PDK4: variants seen among roughly 807,000 people sequenced by gnomAD.
PDK4 encodes pyruvate dehydrogenase kinase, isozyme 4.
Under a neutral mutation model 51.7 loss-of-function variants are expected in PDK4, and 43 were observed. That is an observed-to-expected ratio of 0.83 (90% CI 0.65 to 1.07). PDK4 has a LOEUF of 1.07. PDK4 is among the 50% of genes least tolerant of loss of function. The pLI is 0.00. For missense variants in PDK4, 498 were observed against 503.5 expected (o/e 0.99, Z 0.10); for synonymous variants, 170 against 176.6 (o/e 0.96, Z 0.30).
At chr7:95,586,654 AT>A (rs1791486665) in intron 10 of PDK4, 1 of 171,992 alleles carries the variant, frequency 5.8e-6, no homozygotes, top group Non-Finnish European at 1.2e-5. Context: ...TTATTAGCAT[AT>A]ATTTCCCACA....
In PDK4 at chr7:95,592,583, C is replaced by A; in HGVS notation, c.544G>T (p.Asp182Tyr). The change falls in exon 5 of 11, where the codon GAC becomes TAC. Residue 182 changes from aspartate to tyrosine, a missense_variant. Transcript: ENST00000005178. ...LMNQHILIFS[D>Y]SQTGNPSHIG... ...TGGCTTGGGTTTCCTGTCTGTGAGTCACTAAATATAAGAACTGTTGAAAAA... is the reference window on the plus strand; with the variant it reads ...TGGCTTGGGTTTCCTGTCTGTGAGTAACTAAATATAAGAACTGTTGAAAAA... 6.2e-7 allele frequency: 1 copy of A among 1,604,132 alleles called. No homozygotes were observed. Among genetic ancestry groups the A allele is most frequent in the South Asian group, 1.1e-5 (1 of 90,796 alleles).
At position 95,596,372 on chromosome 7, in the gene PDK4, G is replaced by GGGGGC; in HGVS notation, c.-84_-80dup. The GGGGGC allele has an allele frequency of 5.6e-6, 8 of 1,438,880 alleles. No individual in the cohort carries two copies. The highest frequency in any genetic ancestry group is 7.3e-6 in the Non-Finnish European group (8 of 1,096,612). 89.1% of individuals were successfully genotyped at this position (1,438,880 alleles called of 1,614,324 possible). A position where few individuals can be genotyped will look rare whatever the true frequency, so the allele number is the denominator to read the frequency against. ...TGCTCGGAGCAGAGCCTGGTTCCGA[G>GGGGGC]GGGGCGCGGCGCGTCCGGGCGAGGA... On this transcript the variant is annotated 5_prime_UTR_variant, in exon 1 of 11. Coordinates refer to ENST00000005178, the MANE Select transcript of PDK4 (RefSeq NM_002612.4).
chr7:95,592,129 A>T (rs1791559942), intron 5 of PDK4, 64 bp from the exon 6 acceptor site: 2 of 837,856 alleles, frequency 2.4e-6, no homozygotes, highest in Non-Finnish European at 3.8e-6. Flanking sequence ...TTCTCAAATA[A>T]TCTTCAGTGT....
At position 95,593,684 on chromosome 7, in the gene PDK4, A is replaced by C. The variant is rs754896651; in HGVS notation, c.344+15T>G. On this transcript the variant is annotated intron_variant, in intron 3 of 10. Transcript: ENST00000005178. Reference sequence around the variant, plus strand: ...ACCAAAGTTTTAAACACTTATTCTAATGCATAGAGCTTACTCTGATAATGC... The same window carrying C: ...ACCAAAGTTTTAAACACTTATTCTACTGCATAGAGCTTACTCTGATAATGC... 6.4e-6 allele frequency: 8 copies of C among 1,258,208 alleles called. No individual in the cohort carries two copies. The highest frequency in any genetic ancestry group is 9.3e-6 in the Non-Finnish European group (8 of 860,444). The allele number at this position is 1,258,208 out of a possible 1,614,324, so 77.9% of individuals were successfully genotyped here.
At chr7:95,589,410 G>A (rs1012944573) in intron 7 of PDK4, among the ~76,000 whole-genome samples, 15 of 152,170 alleles carry the variant, frequency 9.9e-5, no homozygotes, top group Admixed American at 6.5e-4. Context: ...GTAAAGCATT[G>A]ATACATCATG....
At chr7:95,586,527 T>C (rs1757658905) in intron 10 of PDK4, among the ~76,000 whole-genome samples, 1 of 152,174 alleles carries the variant, frequency 6.6e-6, no homozygotes, top group Non-Finnish European at 1.5e-5. Context: ...AAACAGTGAA[T>C]GTCTGGCACC....
rs1457671560 is a variant in PDK4, at chr7:95,583,720, C to T, written c.*1921G>A. 6.6e-6 allele frequency: 1 copy of T among 152,578 alleles called. No homozygotes were observed. The highest frequency in any genetic ancestry group is 1.5e-5 in the Non-Finnish European group (1 of 68,040). The allele number at this position is 152,578 out of a possible 1,614,324, so 9.5% of individuals were successfully genotyped here. A position where few individuals can be genotyped will look rare whatever the true frequency, so the allele number is the denominator to read the frequency against. On this transcript the variant is annotated 3_prime_UTR_variant, in exon 11 of 11. Transcript: ENST00000005178. ...TTGCACAGTTGGTGTAATTGAGATA[C>T]TAACATTTCTTTTTTCTAGTGTTTT...
In PDK4 at chr7:95,584,102, C is replaced by CT. The variant is rs923843044; in HGVS notation, c.*1538dup. 9 of 152,146 alleles carry CT rather than the reference C, an allele frequency of 5.9e-5. No individual in the cohort carries two copies. The highest frequency in any genetic ancestry group is 5.2e-4 in the Admixed American group (8 of 15,272). The allele number at this position is 152,146 out of a possible 1,614,324, so 9.4% of individuals were successfully genotyped here. A position where few individuals can be genotyped will look rare whatever the true frequency, so the allele number is the denominator to read the frequency against. On this transcript the variant is annotated 3_prime_UTR_variant, in exon 11 of 11. Transcript: ENST00000005178. ...TATTTTACAATGCAGAAAAATCCTCCTTTTTTTCTATATGCCAGTTTAAAT... is the reference window on the plus strand; with the variant it reads ...TATTTTACAATGCAGAAAAATCCTCCTTTTTTTTCTATATGCCAGTTTAAAT...
chr7:95,586,343 C>T (rs865841337), intron 10 of PDK4, among the ~76,000 whole-genome samples: 2 of 151,934 alleles, frequency 1.3e-5, no homozygotes, highest in Admixed American at 1.3e-4. Flanking sequence ...TACAGGCACC[C>T]GCCACCACAC....
intron 7 of PDK4, among the ~76,000 whole-genome samples, chr7:95,589,052 A>T (rs935733291): frequency 1.3e-5 from 2 of 152,172 alleles, no homozygotes; most frequent in African/African-American, 4.8e-5. Flanking sequence ...CAGCAGCATC[A>T]CCCCTTAGCT....
chr7:95,596,200 G>C lies in PDK4; in HGVS notation c.94C>G (p.Pro32Ala). ...AGCTGCTTCATGGACAGCGGGGACGGGCTGTAGCGCGAGAAATGCTCCACC... is the reference window on the plus strand; with the variant it reads ...AGCTGCTTCATGGACAGCGGGGACGCGCTGTAGCGCGAGAAATGCTCCACC... ...REVEHFSRYS[P>A]SPLSMKQLLD... The change falls in exon 1 of 11, where the codon CCG becomes GCG. Residue 32 changes from proline to alanine, a missense_variant. Coordinates refer to ENST00000005178, the MANE Select transcript of PDK4 (RefSeq NM_002612.4). The C allele has an allele frequency of 6.2e-7, 1 of 1,604,976 alleles. No individual in the cohort carries two copies. The highest frequency in any genetic ancestry group is 8.5e-7 in the Non-Finnish European group (1 of 1,175,902).
At position 95,592,767 on chromosome 7, in the gene PDK4, G is replaced by C; in HGVS notation, c.522C>G (p.Asn174Lys). Residue 174 changes from asparagine to lysine, a missense_variant, in exon 4 of 11, where the codon AAC (asparagine) becomes AAG (lysine). Physicochemically the swap from Asn to Lys is moderately conservative, Grantham distance 94. Transcript: ENST00000005178. The stretch of plus-strand genomic sequence containing the variant: ...CATGATGAGCTAACTTACTGTGCTG[G>C]TTCATCAGCATCCGAGTAGAAATAC... ...MNRISTRMLM[N>K]QHILIFSDSQ... The C allele has an allele frequency of 6.2e-7, 1 of 1,609,804 alleles. No homozygotes were observed. The highest frequency in any genetic ancestry group is 8.5e-7 in the Non-Finnish European group (1 of 1,177,326).
At chr7:95,594,506 T>C (rs7777797) in intron 2 of PDK4, among the ~76,000 whole-genome samples, 33,746 of 151,916 alleles carry the variant, frequency 0.22, 5,149 homozygotes, top group African/African-American at 0.44. Context: ...CTTTAATCTC[T>C]TTAATAACAG....
intron 5 of PDK4, among the ~76,000 whole-genome samples, chr7:95,592,282 C>T (rs1374634445): frequency 1.3e-5 from 2 of 152,006 alleles, no homozygotes; most frequent in East Asian, 3.8e-4. Context: ...CTAAATACAA[C>T]ATATAAAATA....
At chr7:95,592,184 GTA>G (rs1791560526) in intron 5 of PDK4, 119 bp from the exon 6 acceptor site, 1 of 478,344 alleles carries the variant, frequency 2.1e-6, no homozygotes, top group Non-Finnish European at 3.7e-6. Flanking sequence ...ACAGGTTTAT[GTA>G]TATAAAAATA....
intron 9 of PDK4, 50 bp from the exon 10 acceptor site, chr7:95,587,173 A>G (rs1791494100): frequency 9.1e-7 from 1 of 1,099,162 alleles, no homozygotes. Flanking sequence ...GATCACTGAA[A>G]TACAAACAAG....
chr7:95,595,876 CA>C (rs942458723), intron 1 of PDK4, among the ~76,000 whole-genome samples: 4 of 152,084 alleles, frequency 2.6e-5, no homozygotes, highest in Admixed American at 6.5e-5. Flanking sequence ...TGACCGAAAG[CA>C]AAAAGTATTT....
intron 5 of PDK4, 93 bp downstream of exon 5, chr7:95,592,416 AAT>A: frequency 5.2e-6 from 4 of 775,750 alleles, no homozygotes; most frequent in Non-Finnish European, 9.1e-6. Context: ...ACACTCTGTG[AAT>A]ATAAATTCAT....
At chr7:95,588,072 C>T (rs1183803932) in intron 7 of PDK4, among the ~76,000 whole-genome samples, 1 of 152,082 alleles carries the variant, frequency 6.6e-6, no homozygotes, top group African/African-American at 2.4e-5. Flanking sequence ...ACCAATTCTG[C>T]TAGCTGTCAA....
Sources: allele counts gnomAD v4.1 joint callset (sites outside exome capture counted in the v4.1 genomes callset), GRCh38; gene constraint gnomAD v4.1.1; transcripts MANE v1.5; gene names NCBI Gene and HGNC (gene_info 2026-07-23, HGNC 2026-07-21).